SATL1: variants seen among roughly 807,000 people sequenced by gnomAD.
The protein encoded by SATL1 is spermidine/spermine N1-acetyl transferase like 1.
In SATL1, 47 loss-of-function variants were observed where a neutral mutation model predicts 51.8. That is an observed-to-expected ratio of 0.91 (90% CI 0.72 to 1.16). The LOEUF is 1.16. Among genes scored for constraint, SATL1 ranks in the 50% most tolerant of loss-of-function variants. SATL1 has a pLI of 0.00. For missense variants in SATL1, 520 were observed against 526.4 expected (o/e 0.99, Z 0.12); for synonymous variants, 176 against 182.4 (o/e 0.97, Z 0.28).
At chrX:85,096,148 A>G (rs1038980628) in intron 4 of SATL1, among the ~76,000 whole-genome samples, 4 of 111,523 alleles carry the variant, frequency 3.6e-5, no homozygotes, top group Non-Finnish European at 7.5e-5. Context: ...GCCCAGAGAG[A>G]TAAGACATGC....
At chrX:85,102,307 C>T (rs1209739032) in intron 4 of SATL1, among the ~76,000 whole-genome samples, 3 of 105,591 alleles carry the variant, frequency 2.8e-5, no homozygotes, top group African/African-American at 1.1e-4. Flanking sequence ...TTGTTCAATT[C>T]CCACCTATGG....
At chrX:85,195,140 G>A (rs982455268) in intron 2 of SATL1, among the ~76,000 whole-genome samples, 7 of 110,961 alleles carry the variant, frequency 6.3e-5, no homozygotes, top group Non-Finnish European at 1.1e-4. Flanking sequence ...TGCAGCTTAG[G>A]AAAAAGGCCT....
intron 2 of SATL1, among the ~76,000 whole-genome samples, chrX:85,179,625 T>C (rs1360194352): frequency 9.0e-6 from 1 of 111,508 alleles, no homozygotes; most frequent in Non-Finnish European, 1.9e-5. Flanking sequence ...GCAATAGGAA[T>C]AAGGTAATGG....
intron 2 of SATL1, among the ~76,000 whole-genome samples, chrX:85,141,278 C>T (rs1446578251): frequency 8.9e-6 from 1 of 111,895 alleles, no homozygotes; most frequent in Non-Finnish European, 1.9e-5. Flanking sequence ...ATTAACACTC[C>T]CAGCCTCTGT....
intron 1 of SATL1, among the ~76,000 whole-genome samples, chrX:85,234,593 T>C (rs781662109): frequency 8.9e-6 from 1 of 112,053 alleles, no homozygotes; most frequent in Non-Finnish European, 1.9e-5. Flanking sequence ...GTTTTCTTTT[T>C]TGCTTATTAG....
In SATL1 at chrX:85,107,384, A is replaced by T. The variant is rs1444948884; in HGVS notation, c.1585T>A (p.Phe529Ile). Residue 529 changes from phenylalanine to isoleucine, a missense_variant, in exon 3 of 8, where the codon TTT becomes ATT. Phe to Ile is a conservative substitution (Grantham distance 21). Coordinates refer to ENST00000644105, the MANE Select transcript of SATL1 (RefSeq NM_001367857.2). ...CCAGCCTCTGCATGTCTTATTTGAA[A>T]GTAATCCATGCTTGTTTGCCTCATG... ...MGMRQTSMDY[F>I]QIRHAEAGDC... The T allele has an allele frequency of 8.2e-7, 1 of 1,212,402 alleles. No homozygotes were observed. Among genetic ancestry groups the T allele is most frequent in the Admixed American group, 2.2e-5 (1 of 46,128 alleles).
At position 85,215,616 on chromosome X, in the gene SATL1, C is replaced by G. The variant is rs113806840; in HGVS notation, c.-313+8589G>C. On this transcript the variant is annotated intron_variant, in intron 2 of 7. Coordinates refer to ENST00000644105, the MANE Select transcript of SATL1 (RefSeq NM_001367857.2). ...TTTCACCAGATACCCTAGGTCATCA[C>G]TCTTAAGTTCAGCCTTCCACAAAGC... Among the ~76,000 whole-genome samples, 121 of 112,504 alleles carry G rather than the reference C, an allele frequency of 1.1e-3. 2 individuals are homozygous for G. In the Admixed American group the frequency reaches 0.011, roughly 10 times the overall value.
At chrX:85,153,129 A>G (rs1476645317) in intron 2 of SATL1, among the ~76,000 whole-genome samples, 1 of 111,041 alleles carries the variant, frequency 9.0e-6, no homozygotes, top group East Asian at 2.8e-4. Context: ...TTCATATATG[A>G]GTCATTTATT....
intron 2 of SATL1, chrX:85,143,408 C>T (rs950103847): frequency 3.6e-5 from 4 of 111,528 alleles, no homozygotes; most frequent in South Asian, 3.8e-4. Flanking sequence ...AGACTGCCTT[C>T]TTCTATCTTA....
intron 3 of SATL1, 137 bp from the exon 4 acceptor site, chrX:85,104,052 C>T (rs1050855895): frequency 4.8e-5 from 20 of 420,360 alleles, no homozygotes; most frequent in Non-Finnish European, 8.0e-5. Flanking sequence ...GACTTAATCC[C>T]AGTCATCTAG....
At position 85,230,897 on chromosome X, in the gene SATL1, T is replaced by C. The variant is rs187703521; in HGVS notation, c.-434-6571A>G. ...AGAAGTAACATCACATCTGTTAGAA[T>C]GGCTATTATTAAAAAATAAAAACAC... On this transcript the variant is annotated intron_variant, in intron 1 of 7. Coordinates refer to ENST00000644105, the MANE Select transcript of SATL1 (RefSeq NM_001367857.2). Among the ~76,000 whole-genome samples the C allele has an allele frequency of 2.7e-5, 3 of 112,259 alleles. No homozygotes were observed. The East Asian group carries it at 8.4e-4, about 31-fold the overall frequency.
At chrX:85,204,465 ACTTTT>A (rs780164996) in intron 2 of SATL1, among the ~76,000 whole-genome samples, 82 of 111,868 alleles carry the variant, frequency 7.3e-4, no homozygotes, top group African/African-American at 2.3e-3. Flanking sequence ...TGGATGTGAA[ACTTTT>A]CTTTTCATTT....
intron 2 of SATL1, among the ~76,000 whole-genome samples, chrX:85,191,607 T>C (rs1349357557): frequency 2.7e-5 from 3 of 111,966 alleles, no homozygotes; most frequent in Non-Finnish European, 5.6e-5. Context: ...AAACAGTTGA[T>C]TAACACATAT....
intron 2 of SATL1, among the ~76,000 whole-genome samples, chrX:85,152,135 T>C (rs1481648810): frequency 2.5e-4 from 28 of 110,166 alleles, no homozygotes; most frequent in Middle Eastern, 4.6e-3. Flanking sequence ...AAACAAACAA[T>C]CCCATCAAAA....
rs758158319 is a variant in SATL1 at position 85,092,348 on chromosome X, A to G, written c.*43T>C. Reference sequence around the variant, plus strand: ...TGCTGTTAGACTCAGGTGACAGTCAAATGTTGGAGGCTGTGTTGGGATGAG... The same window carrying G: ...TGCTGTTAGACTCAGGTGACAGTCAGATGTTGGAGGCTGTGTTGGGATGAG... On this transcript the variant is annotated 3_prime_UTR_variant, in exon 8 of 8. Coordinates refer to ENST00000644105, the MANE Select transcript of SATL1 (RefSeq NM_001367857.2). 1 of 1,133,139 alleles carries G rather than the reference A, an allele frequency of 8.8e-7. No homozygotes were observed. The highest frequency in any genetic ancestry group is 1.8e-5 in the African/African-American group (1 of 54,565). 93.4% of individuals were successfully genotyped at this position (1,133,139 alleles called of 1,213,427 possible). A position where few individuals can be genotyped will look rare whatever the true frequency, so the allele number is the denominator to read the frequency against.
intron 2 of SATL1, among the ~76,000 whole-genome samples, chrX:85,124,553 A>C (rs994171144): frequency 8.1e-5 from 9 of 111,640 alleles, no homozygotes; most frequent in Non-Finnish European, 1.5e-4. Flanking sequence ...TTAAACAAAT[A>C]TGTACTTAGC....
At chrX:85,098,786 A>C (rs1924809321) in intron 4 of SATL1, among the ~76,000 whole-genome samples, 1 of 111,743 alleles carries the variant, frequency 8.9e-6, no homozygotes, top group Non-Finnish European at 1.9e-5. Context: ...AACAAACAAA[A>C]GCTTACAAGA....
chrX:85,161,192 C>T (rs992383257), intron 2 of SATL1, among the ~76,000 whole-genome samples: 3 of 110,757 alleles, frequency 2.7e-5, no homozygotes, highest in South Asian at 3.7e-4. Flanking sequence ...AAAGACCAGC[C>T]ACTACAAAAA....
rs1925191113 is a variant in SATL1 at position 85,109,081 on chromosome X, T to C, written c.-113A>G. ...GGAACAGAATCCCTTAACTGTGCTG[T>C]GGTGGGAGGTTGTTGGCTGTTCCCA... On this transcript the variant is annotated 5_prime_UTR_variant, in exon 3 of 8. Coordinates refer to ENST00000644105, the MANE Select transcript of SATL1 (RefSeq NM_001367857.2). 1.4e-6 allele frequency: 1 copy of C among 719,081 alleles called. No homozygotes were observed. 59.3% of individuals were successfully genotyped at this position (719,081 alleles called of 1,213,427 possible). A position where few individuals can be genotyped will look rare whatever the true frequency, so the allele number is the denominator to read the frequency against.
Sources: allele counts gnomAD v4.1 joint callset (sites outside exome capture counted in the v4.1 genomes callset), GRCh38; gene constraint gnomAD v4.1.1; transcripts MANE v1.5; gene names NCBI Gene and HGNC (gene_info 2026-07-23, HGNC 2026-07-21).